NDRG3: variants seen among roughly 807,000 people sequenced by gnomAD.
NDRG3 encodes the protein protein NDRG3.
NDRG3 carries 23 observed loss-of-function variants against 57.2 expected under a neutral mutation model. The ratio of observed to expected loss-of-function variants is 0.40; its 90% CI spans 0.29 to 0.57. NDRG3 has a LOEUF of 0.57. NDRG3 is among the 20% of genes least tolerant of loss of function. The pLI, the probability that NDRG3 is intolerant of heterozygous loss-of-function variation, is 0.42. For missense variants in NDRG3, 384 were observed against 457.3 expected (o/e 0.84, Z 1.46); for synonymous variants, 132 against 162.6 (o/e 0.81, Z 1.43).
chr20:36,701,599 G>A (rs373001142), intron 3 of NDRG3, among the ~76,000 whole-genome samples: 2 of 146,820 alleles, frequency 1.4e-5, no homozygotes, highest in South Asian at 2.1e-4. Context: ...CCAGGCTGGA[G>A]TGCAATGGTG....
At position 36,682,522 on chromosome 20, in the gene NDRG3, A is replaced by C. The variant is rs1308395961; in HGVS notation, c.440T>G (p.Phe147Cys). ...GCTAATCCTCTACATACTTACTGCA[A>C]ATCTGCTGAGGATGTAAGCTCCAGC... ...VGAGAYILSR[F>C]ALNHPELVEG... The change falls in exon 7 of 16, where the codon TTT becomes TGT. Residue 147 changes from phenylalanine to cysteine, a missense_variant. By Grantham distance (205) the Phe-to-Cys change is radical. Coordinates refer to ENST00000349004, the MANE Select transcript of NDRG3 (RefSeq NM_032013.4). 2 of 1,613,698 alleles carry C rather than the reference A, an allele frequency of 1.2e-6. No homozygotes were observed. The highest frequency in any genetic ancestry group is 2.7e-5 in the African/African-American group (2 of 74,930).
Position 36,697,578 on chromosome 20 carries a change from G to A in NDRG3, c.94-8794C>T, listed in dbSNP as rs184716177. Among the ~76,000 whole-genome samples, 503 of 152,138 alleles carry A rather than the reference G, an allele frequency of 3.3e-3. 2 individuals carry two copies. The highest frequency in any genetic ancestry group is 5.5e-3 in the Non-Finnish European group (373 of 67,986). On this transcript the variant is annotated intron_variant, in intron 3 of 15. Transcript: ENST00000349004. Reference sequence around the variant, plus strand: ...CAAAAATTAGCCAGGCGTGGTGGCGGGTGCCTATAATCCCAGCTACTTGGG... The same window carrying A: ...CAAAAATTAGCCAGGCGTGGTGGCGAGTGCCTATAATCCCAGCTACTTGGG...
chr20:36,690,995 T>C (rs1982222430), intron 3 of NDRG3, among the ~76,000 whole-genome samples: 1 of 152,274 alleles, frequency 6.6e-6, no homozygotes, highest in African/African-American at 2.4e-5. Context: ...GTGCTCAAGT[T>C]TTATATTTCT....
chr20:36,737,751 G>C (rs1032071342), intron 1 of NDRG3, among the ~76,000 whole-genome samples: 3 of 152,074 alleles, frequency 2.0e-5, no homozygotes, highest in Admixed American at 6.6e-5. Flanking sequence ...CTCAGGTTAG[G>C]TTACGGGAGC....
intron 13 of NDRG3, among the ~76,000 whole-genome samples, chr20:36,658,509 T>C (rs181210716): frequency 1.2e-3 from 190 of 152,306 alleles, no homozygotes; most frequent in African/African-American, 4.1e-3. Context: ...ATTAGATTTC[T>C]AGGAACTACA....
chr20:36,708,429 C>T (rs959324311), intron 2 of NDRG3, among the ~76,000 whole-genome samples: 3 of 151,864 alleles, frequency 2.0e-5, no homozygotes, highest in African/African-American at 7.3e-5. Flanking sequence ...GGAAGTGGAT[C>T]ACCCAAGGTC....
At chr20:36,699,715 G>T (rs1568652752) in intron 3 of NDRG3, among the ~76,000 whole-genome samples, 1 of 151,144 alleles carries the variant, frequency 6.6e-6, no homozygotes, top group African/African-American at 2.4e-5. Flanking sequence ...TGTGTGTGTG[G>T]GTACACACAG....
chr20:36,726,919 T>C (rs1047886886), intron 1 of NDRG3, among the ~76,000 whole-genome samples: 21 of 151,334 alleles, frequency 1.4e-4, no homozygotes, highest in African/African-American at 5.1e-4. Flanking sequence ...TCTTTCTTTT[T>C]TTTTTTTTTT....
chr20:36,743,875 A>C (rs1027680024), intron 1 of NDRG3, among the ~76,000 whole-genome samples: 3 of 148,078 alleles, frequency 2.0e-5, no homozygotes, highest in Non-Finnish European at 3.0e-5. Flanking sequence ...CTCAATCGTG[A>C]GTGCACGTTC....
In NDRG3 at chr20:36,721,706, T is replaced by C. The variant is rs1271852120; in HGVS notation, c.30A>G (p.Thr10=). 6.2e-7 allele frequency: 1 copy of C among 1,611,524 alleles called. No homozygotes were observed. The highest frequency in any genetic ancestry group is 8.5e-7 in the Non-Finnish European group (1 of 1,177,944). Residue 10 remains threonine, a synonymous_variant, in exon 2 of 16, where the codon ACA becomes ACG. Coordinates refer to ENST00000349004, the MANE Select transcript of NDRG3 (RefSeq NM_032013.4). ...TATCATTTAGAAGTGGTTTGATCTC[T>C]GTGAGCTGAACATCCTGAAGTTCAT... is the stretch of plus-strand genomic sequence containing the variant. MDELQDVQL[T]EIKPLLNDKN...
Position 36,671,490 on chromosome 20 carries a change from T to C in NDRG3, c.532-93A>G, listed in dbSNP as rs140887303. On this transcript the variant is annotated intron_variant, in intron 8 of 15. Coordinates refer to ENST00000349004, the MANE Select transcript of NDRG3 (RefSeq NM_032013.4). ...AAATGAGTGCACTTTATTATATATGTTATCTCTTTAAAAACAAATGAAAAA... is the reference window on the plus strand; with the variant it reads ...AAATGAGTGCACTTTATTATATATGCTATCTCTTTAAAAACAAATGAAAAA... The C allele has an allele frequency of 1.2e-4, 106 of 921,494 alleles. 1 individual carries two copies. The East Asian group carries it at 2.7e-3, about 24-fold the overall frequency. The allele number at this position is 921,494 out of a possible 1,614,324, so 57.1% of individuals were successfully genotyped here.
At chr20:36,697,387 A>T (rs987554672) in intron 3 of NDRG3, among the ~76,000 whole-genome samples, 1 of 152,034 alleles carries the variant, frequency 6.6e-6, no homozygotes, top group Non-Finnish European at 1.5e-5. Flanking sequence ...TTCCCCCCCA[A>T]GAATAGGGCA....
chr20:36,697,569 G>A (rs778681152), intron 3 of NDRG3, among the ~76,000 whole-genome samples: 2 of 152,098 alleles, frequency 1.3e-5, no homozygotes, highest in South Asian at 2.1e-4. Context: ...TTAGCCAGGC[G>A]TGGTGGCGGG....
At chr20:36,698,991 G>A (rs1983031801) in intron 3 of NDRG3, among the ~76,000 whole-genome samples, 1 of 152,146 alleles carries the variant, frequency 6.6e-6, no homozygotes, top group Non-Finnish European at 1.5e-5. Context: ...GCCCAGGCTA[G>A]AGTGCAGTGA....
rs1981998768 is a variant in NDRG3 at position 36,688,685 on chromosome 20, G to C, written c.193C>G (p.Leu65Val). 1 of 1,608,994 alleles carries C rather than the reference G, an allele frequency of 6.2e-7. No homozygotes were observed. Among genetic ancestry groups the C allele is most frequent in the Admixed American group, 1.7e-5 (1 of 60,000 alleles). The change falls in exon 4 of 16, where the codon CTC becomes GTC. Residue 65 changes from leucine to valine, a missense_variant. Coordinates refer to ENST00000349004, the MANE Select transcript of NDRG3 (RefSeq NM_032013.4). The part of the protein sequence containing the change: ...PVILTYHDIG[L>V]NHKSCFNAFF... ...TGTAAAATAAAATACATACGGTTGAGGCCAATGTCATGATATGTTAGTATA... is the reference window on the plus strand; with the variant it reads ...TGTAAAATAAAATACATACGGTTGACGCCAATGTCATGATATGTTAGTATA...
intron 8 of NDRG3, among the ~76,000 whole-genome samples, chr20:36,678,104 A>G (rs1980914598): frequency 6.6e-6 from 1 of 152,094 alleles, no homozygotes; most frequent in African/African-American, 2.4e-5. Flanking sequence ...TTTTTGAGTT[A>G]GCAAACACCA....
intron 1 of NDRG3, among the ~76,000 whole-genome samples, chr20:36,732,503 T>C (rs1338239611): frequency 2.0e-5 from 3 of 152,194 alleles, no homozygotes; most frequent in Non-Finnish European, 2.9e-5. Flanking sequence ...TCAGTGGTGC[T>C]GAGCAAAGCA....
chr20:36,715,425 C>T (rs1408172784), intron 2 of NDRG3, among the ~76,000 whole-genome samples: 1 of 151,780 alleles, frequency 6.6e-6, no homozygotes, highest in Non-Finnish European at 1.5e-5. Context: ...CTAGATGTAG[C>T]ACTTCATGAA....
At chr20:36,725,747 C>A (rs1268355788) in intron 1 of NDRG3, among the ~76,000 whole-genome samples, 1 of 151,822 alleles carries the variant, frequency 6.6e-6, no homozygotes, top group Admixed American at 6.6e-5. Flanking sequence ...TGGTGATTTC[C>A]TGAAATTGTT....
Sources: allele counts gnomAD v4.1 joint callset (sites outside exome capture counted in the v4.1 genomes callset), GRCh38; gene constraint gnomAD v4.1.1; transcripts MANE v1.5; gene names NCBI Gene and HGNC (gene_info 2026-07-23, HGNC 2026-07-21).